The following DNM3 variants were observed in gnomAD, a reference collection of about 807,000 sequenced individuals.
DNM3 encodes dynamin 3, also known as dynamin-3.
Under a neutral mutation model 101.6 loss-of-function variants are expected in DNM3, and 47 were observed. The observed-to-expected ratio is 0.46, with a 90% CI of 0.37 to 0.59. DNM3 has a LOEUF of 0.59. Ranked by LOEUF, DNM3 falls within the 20% of genes least tolerant of loss-of-function variation. The pLI is 0.00. For synonymous variants in DNM3, 385 were observed against 387.9 expected (o/e 0.99, Z 0.09); for missense variants, 849 against 1,085.7 (o/e 0.78, Z 3.06).
Position 172,242,195 on chromosome 1 carries a change from A to G in DNM3, c.1660-11378A>G, listed in dbSNP as rs138620069. On this transcript the variant is annotated intron_variant, in intron 14 of 20. Transcript: ENST00000627582. ...CTATCTTTCCTGGTAGGGACAGGGAAGCCCATCTGGCTGCTGGCGTTCTGG... is the reference window on the plus strand; with the variant it reads ...CTATCTTTCCTGGTAGGGACAGGGAGGCCCATCTGGCTGCTGGCGTTCTGG... Among the ~76,000 whole-genome samples the G allele has an allele frequency of 7.8e-3, 1,187 of 152,260 alleles. 16 individuals are homozygous for G. Among genetic ancestry groups the G allele is most frequent in the African/African-American group, 0.026 (1,096 of 41,554 alleles).
intron 1 of DNM3, among the ~76,000 whole-genome samples, chr1:171,880,165 T>C (rs1037461179): frequency 1.2e-4 from 19 of 152,240 alleles, no homozygotes; most frequent in African/African-American, 3.9e-4. Flanking sequence ...TTATTTCCTG[T>C]GATGGCTAGA....
At chr1:172,197,160 A>G (rs1383280362) in intron 14 of DNM3, among the ~76,000 whole-genome samples, 3 of 152,128 alleles carry the variant, frequency 2.0e-5, no homozygotes, top group Non-Finnish European at 4.4e-5. Context: ...TTTATTGAAT[A>G]GGGAGTCTTT....
intron 20 of DNM3, among the ~76,000 whole-genome samples, chr1:172,403,735 C>T (rs2070681129): frequency 6.6e-6 from 1 of 152,138 alleles, no homozygotes; most frequent in African/African-American, 2.4e-5. Context: ...CGCCCACATA[C>T]AACACAGTGT....
intron 14 of DNM3, among the ~76,000 whole-genome samples, chr1:172,168,373 C>A (rs568198288): frequency 3.2e-4 from 48 of 152,028 alleles, no homozygotes; most frequent in Non-Finnish European, 4.4e-4. Context: ...AAAGGAGAAT[C>A]CTGTATATTT....
intron 4 of DNM3, among the ~76,000 whole-genome samples, chr1:172,013,567 C>G (rs1346924066): frequency 1.3e-5 from 2 of 151,938 alleles, no homozygotes; most frequent in African/African-American, 4.8e-5. Flanking sequence ...TGTATAAGAA[C>G]TATGATTTCA....
intron 12 of DNM3, among the ~76,000 whole-genome samples, chr1:172,092,248 AT>A (rs2053961965): frequency 6.6e-6 from 1 of 152,210 alleles, no homozygotes; most frequent in Non-Finnish European, 1.5e-5. Context: ...CCAGAGATGC[AT>A]TAAAGGAGTT....
At chr1:172,381,758 A>C (rs1318758205) in intron 18 of DNM3, among the ~76,000 whole-genome samples, 1 of 152,174 alleles carries the variant, frequency 6.6e-6, no homozygotes, top group Non-Finnish European at 1.5e-5. Flanking sequence ...AATCACAACG[A>C]GAAAACTAGT....
chr1:172,316,882 A>C (rs1268225983), intron 16 of DNM3, among the ~76,000 whole-genome samples: 2 of 152,250 alleles, frequency 1.3e-5, no homozygotes, highest in African/African-American at 4.8e-5. Flanking sequence ...CTCTGCACCA[A>C]GCGGACCTAA....
intron 4 of DNM3, among the ~76,000 whole-genome samples, chr1:172,026,352 G>A (rs566964383): frequency 1.3e-5 from 2 of 152,116 alleles, no homozygotes; most frequent in African/African-American, 4.8e-5. Flanking sequence ...GAAAGTGATG[G>A]GAAGAATGGA....
chr1:171,965,448 A>G (rs1398770291), intron 2 of DNM3, among the ~76,000 whole-genome samples: 1 of 151,692 alleles, frequency 6.6e-6, no homozygotes, highest in Admixed American at 6.6e-5. Flanking sequence ...AGCTACTTGA[A>G]AGGCTGAGGT....
rs543518022 is a variant in DNM3 at position 171,935,706 on chromosome 1, C to T, written c.235+13885C>T. Among the ~76,000 whole-genome samples, 4 of 145,160 alleles carry T rather than the reference C, an allele frequency of 2.8e-5. No homozygotes were observed. In the South Asian group the frequency reaches 8.7e-4, roughly 32 times the overall value. ...ATATTCAGTGACATCATGATGGTAG[C>T]TAGAAATTAGTCATGGTTGGAGTAT... On this transcript the variant is annotated intron_variant, in intron 2 of 20. Transcript: ENST00000627582.
intron 14 of DNM3, among the ~76,000 whole-genome samples, chr1:172,242,043 TGGA>T (rs1163926888): frequency 6.6e-6 from 1 of 152,156 alleles, no homozygotes; most frequent in Non-Finnish European, 1.5e-5. Flanking sequence ...TGAAAATTGT[TGGA>T]GGAGTGTGCA....
At chr1:172,145,986 T>G (rs906399249) in intron 14 of DNM3, among the ~76,000 whole-genome samples, 2 of 152,140 alleles carry the variant, frequency 1.3e-5, no homozygotes, top group Non-Finnish European at 2.9e-5. Flanking sequence ...TCACTTTCCC[T>G]CCATAGGATT....
At chr1:172,292,629 G>A (rs1043146925) in intron 15 of DNM3, among the ~76,000 whole-genome samples, 3 of 129,172 alleles carry the variant, frequency 2.3e-5, no homozygotes, top group African/African-American at 7.9e-5. Flanking sequence ...ACACACGCGC[G>A]TGCGTATATT....
chr1:172,410,937 T>C lies in DNM3; in HGVS notation c.*3096T>C. On this transcript the variant is annotated 3_prime_UTR_variant, in exon 21 of 21. Coordinates refer to ENST00000627582, the MANE Select transcript of DNM3 (RefSeq NM_015569.5). ...TTTCTGTGTACAAACACATTTTCTA[T>C]GCATGTGTCTCTGTGTATATGGCAT... 1 of 985,324 alleles carries C rather than the reference T, an allele frequency of 1.0e-6. No homozygotes were observed. Among genetic ancestry groups the C allele is most frequent in the Non-Finnish European group, 1.2e-6 (1 of 829,828 alleles). 61.0% of individuals were successfully genotyped at this position (985,324 alleles called of 1,614,324 possible).
chr1:171,955,446 G>T (rs2042791075), intron 2 of DNM3, among the ~76,000 whole-genome samples: 1 of 152,120 alleles, frequency 6.6e-6, no homozygotes, highest in Non-Finnish European at 1.5e-5. Flanking sequence ...GCAGATATAA[G>T]GGCATCAGAG....
intron 16 of DNM3, among the ~76,000 whole-genome samples, chr1:172,315,995 C>G (rs1173656608): frequency 6.6e-6 from 1 of 152,032 alleles, no homozygotes; most frequent in Non-Finnish European, 1.5e-5. Context: ...AGAGAAAGGT[C>G]GGGTTACCCA....
At chr1:172,226,828 C>A (rs2061140538) in intron 14 of DNM3, among the ~76,000 whole-genome samples, 1 of 152,028 alleles carries the variant, frequency 6.6e-6, no homozygotes, top group Non-Finnish European at 1.5e-5. Flanking sequence ...GAAAGCATTT[C>A]TTTAGGGTAT....
intron 4 of DNM3, among the ~76,000 whole-genome samples, chr1:172,024,010 T>C (rs1305073464): frequency 6.6e-6 from 1 of 152,072 alleles, no homozygotes; most frequent in Non-Finnish European, 1.5e-5. Flanking sequence ...CCTTCTAATT[T>C]TGTTCCATGA....
Sources: gnomAD v4.1 joint callset for allele counts (sites outside exome capture counted in the v4.1 genomes callset) on GRCh38, gnomAD v4.1.1 for gene constraint, MANE v1.5 for transcripts, NCBI Gene and HGNC (gene_info 2026-07-23, HGNC 2026-07-21) for gene names.